The following SLC2A5 variants were observed in gnomAD, a reference collection of about 807,000 sequenced individuals.
The protein encoded by SLC2A5 is solute carrier family 2, facilitated glucose transporter member 5.
SLC2A5 carries 56 observed loss-of-function variants against 50.3 expected under a neutral mutation model. The ratio of observed to expected loss-of-function variants is 1.11; its 90% CI spans 0.90 to 1.39. SLC2A5 has a LOEUF of 1.39. SLC2A5 is among the 40% of genes most tolerant of loss of function. The pLI is 0.00. For synonymous variants in SLC2A5, 269 were observed against 281.9 expected, an observed-to-expected ratio of 0.95 and a Z score of 0.46; for missense variants, 566 against 650.1, an observed-to-expected ratio of 0.87 and a Z score of 1.41.
intron 1 of SLC2A5, among the ~76,000 whole-genome samples, chr1:9,063,712 T>A (rs1446359827): frequency 1.4e-5 from 1 of 73,992 alleles, no homozygotes; most frequent in Non-Finnish European, 2.4e-5. Context: ...TTTTTTTTTT[T>A]GAGACGGAGT....
chr1:9,086,980 C>T (rs1642407316), intron 1 of SLC2A5, among the ~76,000 whole-genome samples: 1 of 152,182 alleles, frequency 6.6e-6, no homozygotes, highest in African/African-American at 2.4e-5. Context: ...CCCAAGACAG[C>T]CTCCCCTGTG....
chr1:9,048,456 GA>G, intron 3 of SLC2A5, among the ~76,000 whole-genome samples: 1 of 152,174 alleles, frequency 6.6e-6, no homozygotes, highest in East Asian at 1.9e-4. Flanking sequence ...AGGTTGCCGT[GA>G]GCTGAGATCG....
intron 2 of SLC2A5, among the ~76,000 whole-genome samples, chr1:9,078,918 T>C (rs991223561): frequency 6.6e-6 from 1 of 152,198 alleles, no homozygotes; most frequent in Non-Finnish European, 1.5e-5. Flanking sequence ...AGAGTGGACC[T>C]GACCACCCCA....
chr1:9,046,738 C>T (rs980382851), intron 4 of SLC2A5, among the ~76,000 whole-genome samples: 5 of 151,744 alleles, frequency 3.3e-5, no homozygotes, highest in African/African-American at 9.7e-5. Context: ...ATCTTTACTA[C>T]ACGTAACACT....
chr1:9,056,952 C>T (rs1363131123), intron 3 of SLC2A5, among the ~76,000 whole-genome samples: 1 of 152,176 alleles, frequency 6.6e-6, no homozygotes, highest in Non-Finnish European at 1.5e-5. Flanking sequence ...GCCTAGGTCC[C>T]CAAACACTGT....
intron 2 of SLC2A5, among the ~76,000 whole-genome samples, chr1:9,079,840 C>A (rs915717546): frequency 6.6e-6 from 1 of 152,162 alleles, no homozygotes; most frequent in African/African-American, 2.4e-5. Flanking sequence ...TTTAACTGTA[C>A]ATTTTTAAAT....
chr1:9,076,499 G>T (rs758090648), intron 2 of SLC2A5, among the ~76,000 whole-genome samples: 2 of 152,200 alleles, frequency 1.3e-5, no homozygotes, highest in Non-Finnish European at 2.9e-5. Context: ...AGAATGTCAT[G>T]TTCTTTAGGA....
intron 4 of SLC2A5, 70 bp from the exon 5 acceptor site, chr1:9,042,007 T>C (rs2124323252): frequency 2.0e-6 from 3 of 1,470,558 alleles, no homozygotes; most frequent in South Asian, 2.9e-5. Context: ...TCTTCAAGTA[T>C]ACTATTCTTA....
At position 9,077,259 on chromosome 1, in the gene SLC2A5, C is replaced by G. The variant is rs186013307; in HGVS notation, c.-58-7665G>C. Among the ~76,000 whole-genome samples, 279 of 150,842 alleles carry G rather than the reference C, an allele frequency of 1.8e-3. 2 individuals carry two copies. Among genetic ancestry groups the G allele is most frequent in the African/African-American group, 6.2e-3 (257 of 41,146 alleles). ...TACAAAAATACAAAAATTAGCCAGG[C>G]ATGGTGCTGCATGCCTGTAGTCCCA... On this transcript the variant is annotated intron_variant, in intron 2 of 5. Transcript: ENST00000464985.
chr1:9,077,356 G>A (rs556597086), intron 2 of SLC2A5, among the ~76,000 whole-genome samples: 8 of 145,050 alleles, frequency 5.5e-5, no homozygotes, highest in East Asian at 4.2e-4. Context: ...CTGAGATAGC[G>A]CCACTGCACT....
At chr1:9,069,687 C>T (rs1266949095), upstream of SLC2A5, 1 of 771,530 alleles carries the variant, frequency 1.3e-6, no homozygotes, top group African/African-American at 1.7e-5. Flanking sequence ...CAGAATAACC[C>T]TTTCAGGAAC....
intron 1 of SLC2A5, among the ~76,000 whole-genome samples, chr1:9,062,412 C>T (rs1419306052): frequency 2.0e-5 from 3 of 152,130 alleles, no homozygotes; most frequent in South Asian, 2.1e-4. Context: ...AGCTCAGAAC[C>T]TTTGAGCATC....
chr1:9,086,639 C>T (rs993037186), intron 1 of SLC2A5, among the ~76,000 whole-genome samples: 4 of 152,150 alleles, frequency 2.6e-5, no homozygotes, highest in Non-Finnish European at 2.9e-5. Flanking sequence ...AAGCCACCCA[C>T]CTTGGCCTCC....
intron 1 of SLC2A5, among the ~76,000 whole-genome samples, chr1:9,062,447 G>A (rs1557677853): frequency 6.6e-6 from 1 of 152,182 alleles, no homozygotes. Flanking sequence ...TGTGGCTGGA[G>A]CGTGGGGAAA....
intron 4 of SLC2A5, among the ~76,000 whole-genome samples, chr1:9,042,250 G>C (rs1641322380): frequency 6.6e-6 from 1 of 152,106 alleles, no homozygotes; most frequent in South Asian, 2.1e-4. Context: ...TTTTTGAGGA[G>C]GGTCTGTTTC....
At chr1:9,071,139 G>A (rs893876866), upstream of SLC2A5, among the ~76,000 whole-genome samples, 2 of 152,150 alleles carry the variant, frequency 1.3e-5, no homozygotes, top group Non-Finnish European at 2.9e-5. Flanking sequence ...GCCGGGCGCG[G>A]TGGCTCACGC....
At chr1:9,077,533 G>C (rs1642300725) in intron 2 of SLC2A5, among the ~76,000 whole-genome samples, 2 of 151,046 alleles carry the variant, frequency 1.3e-5, no homozygotes, top group South Asian at 4.2e-4. Flanking sequence ...CTGAGGTCAG[G>C]AGTTCAAGAC....
intron 3 of SLC2A5, among the ~76,000 whole-genome samples, chr1:9,050,354 A>G (rs1641539689): frequency 1.3e-5 from 2 of 152,064 alleles, no homozygotes; most frequent in South Asian, 4.2e-4. Flanking sequence ...GCTACTGGAG[A>G]GGCTGAGGCG....
At chr1:9,053,287 GTA>G (rs1395656711) in intron 3 of SLC2A5, among the ~76,000 whole-genome samples, 919 of 3,904 alleles carry the variant, frequency 0.24, 178 homozygotes, top group Middle Eastern at 0.42. Flanking sequence ...TTTATATATT[GTA>G]TATTTATATT....
Sources: allele counts gnomAD v4.1 joint callset (sites outside exome capture counted in the v4.1 genomes callset), GRCh38; gene constraint gnomAD v4.1.1; transcripts MANE v1.5; gene names NCBI Gene and HGNC (gene_info 2026-07-23, HGNC 2026-07-21).